Variants in FUT7 observed in about 807,000 individuals in gnomAD.
FUT7 encodes the protein fucosyltransferase 7.
FUT7 carries 2 observed loss-of-function variants against 5.0 expected under a neutral mutation model. The ratio of observed to expected loss-of-function variants is 0.40; its 90% CI spans 0.16 to 1.26. The LOEUF (loss-of-function observed/expected upper bound fraction) is 1.26, where lower values mean the gene tolerates loss of function less well. FUT7 is among the 50% of genes most tolerant of loss of function. The pLI, the probability that FUT7 is intolerant of heterozygous loss-of-function variation, is 0.32. For synonymous variants in FUT7, 218 were observed against 210.6 expected, an observed-to-expected ratio of 1.03 and a Z score of -0.30; for missense variants, 461 against 489.8, an observed-to-expected ratio of 0.94 and a Z score of 0.55.
chr9:137,030,610 C>T lies in FUT7; in HGVS notation c.*100G>A. 7.0e-7 allele frequency: 1 copy of T among 1,428,392 alleles called. No homozygotes were observed. The highest frequency in any genetic ancestry group is 9.7e-7 in the Non-Finnish European group (1 of 1,034,188). The allele number at this position is 1,428,392 out of a possible 1,614,324, so 88.5% of individuals were successfully genotyped here. A position where few individuals can be genotyped will look rare whatever the true frequency, so the allele number is the denominator to read the frequency against. On this transcript the variant is annotated 3_prime_UTR_variant, in exon 2 of 2. Transcript: ENST00000314412. ...GCTTCCTGACCTCTGTGCCCAGCCTCCCGTTAGCCCGCTGCTTGCCGGTAA... is the reference window on the plus strand; with the variant it reads ...GCTTCCTGACCTCTGTGCCCAGCCTTCCGTTAGCCCGCTGCTTGCCGGTAA...
Position 137,030,198 on chromosome 9 carries a change from C to T in FUT7, c.*512G>A. ...GCACTGCTCAGATGTTTATTGTCCA[C>T]CGCCCTCCCTCCCTGAGCCCAGAAC... On this transcript the variant is annotated 3_prime_UTR_variant, in exon 2 of 2. Transcript: ENST00000314412. 1 of 197,476 alleles carries T rather than the reference C, an allele frequency of 5.1e-6. No individual in the cohort carries two copies. The highest frequency in any genetic ancestry group is 5.3e-5 in the Admixed American group (1 of 18,932). 12.2% of individuals were successfully genotyped at this position (197,476 alleles called of 1,614,324 possible). A position where few individuals can be genotyped will look rare whatever the true frequency, so the allele number is the denominator to read the frequency against.
At position 137,031,682 on chromosome 9, in the gene FUT7, G is replaced by A. The variant is rs757216024; in HGVS notation, c.57C>T (p.Ala19=). ...AGAGGGCAGCGAGCAGAGCCACCCCGGCCAGGACCCCCAAGCCTCGCAGCC... is the reference window on the plus strand; with the variant it reads ...AGAGGGCAGCGAGCAGAGCCACCCCAGCCAGGACCCCCAAGCCTCGCAGCC... ...TRRLRGLGVL[A]GVALLAALWL... Residue 19 remains alanine, a synonymous_variant, in exon 2 of 2, where the codon GCC becomes GCT. Transcript: ENST00000314412. 8.6e-5 allele frequency: 133 copies of A among 1,550,314 alleles called. No homozygotes were observed. The highest frequency in any genetic ancestry group is 1.1e-4 in the Non-Finnish European group (127 of 1,148,442).
Position 137,030,387 on chromosome 9 carries a change from G to C in FUT7, c.*323C>G, listed in dbSNP as rs1265577079. On this transcript the variant is annotated 3_prime_UTR_variant, in exon 2 of 2. Coordinates refer to ENST00000314412, the MANE Select transcript of FUT7 (RefSeq NM_004479.4). Reference sequence around the variant, plus strand: ...CAGGTTTGGCCCCCACAAACTTCAGGCTGGGGTGCCCCCCAGCCCCAAGGG... The same window carrying C: ...CAGGTTTGGCCCCCACAAACTTCAGCCTGGGGTGCCCCCCAGCCCCAAGGG... 2.7e-6 allele frequency: 1 copy of C among 376,094 alleles called. No individual in the cohort carries two copies. The highest frequency in any genetic ancestry group is 5.0e-6 in the Non-Finnish European group (1 of 198,804). The allele number at this position is 376,094 out of a possible 1,614,324, so 23.3% of individuals were successfully genotyped here. A position where few individuals can be genotyped will look rare whatever the true frequency, so the allele number is the denominator to read the frequency against.
Position 137,031,321 on chromosome 9 carries a change from C to G in FUT7, c.418G>C (p.Val140Leu), listed in dbSNP as rs758942838. The G allele has an allele frequency of 1.2e-6, 2 of 1,606,244 alleles. No homozygotes were observed. Among genetic ancestry groups the G allele is most frequent in the Admixed American group, 3.4e-5 (2 of 59,280 alleles). Residue 140 changes from valine to leucine, a missense_variant, in exon 2 of 2, where the codon GTG (valine) becomes CTG (leucine). Coordinates refer to ENST00000314412, the MANE Select transcript of FUT7 (RefSeq NM_004479.4). ...LSHLRGIFNW[V>L]LSYRRDSDIF... The stretch of plus-strand genomic sequence containing the variant: ...TCCGAGTCGCGCCGGTAGCTCAGCA[C>G]CCAGTTGAAGATGCCTCGGAGGTGG...
chr9:137,030,595 C>T lies in FUT7; in HGVS notation c.*115G>A. On this transcript the variant is annotated 3_prime_UTR_variant, in exon 2 of 2. Transcript: ENST00000314412. ...GCACCCCCCACCCCTGCTTCCTGAC[C>T]TCTGTGCCCAGCCTCCCGTTAGCCC... The T allele has an allele frequency of 7.8e-7, 1 of 1,289,666 alleles. No individual in the cohort carries two copies. Among genetic ancestry groups the T allele is most frequent in the Non-Finnish European group, 1.1e-6 (1 of 915,176 alleles). The allele number at this position is 1,289,666 out of a possible 1,614,324, so 79.9% of individuals were successfully genotyped here. A position where few individuals can be genotyped will look rare whatever the true frequency, so the allele number is the denominator to read the frequency against.
At position 137,031,556 on chromosome 9, in the gene FUT7, TG is replaced by T; in HGVS notation, c.182del (p.Pro61GlnfsTer18). 1 of 1,566,336 alleles carries T rather than the reference TG, an allele frequency of 6.4e-7. No individual in the cohort carries two copies. Among genetic ancestry groups the T allele is most frequent in the Admixed American group, 1.9e-5 (1 of 52,464 alleles). On this transcript the variant is annotated frameshift_variant, in exon 2 of 2. Coordinates refer to ENST00000314412, the MANE Select transcript of FUT7 (RefSeq NM_004479.4). LOFTEE classifies it low-confidence loss of function (END_TRUNC). ...GGGTGCAGGTGTCGCTGGGCAGCTC[TG>T]GGGGCTGGTCAGTGAAGGGCCAGTG... is the stretch of plus-strand genomic sequence containing the variant. ...VWHWPFTDQP[P>X]ELPSDTCTRY...
Position 137,031,587 on chromosome 9 carries a change from A to T in FUT7, c.152T>A (p.Val51Asp), listed in dbSNP as rs1261071888. The T allele has an allele frequency of 1.9e-6, 3 of 1,569,130 alleles. No homozygotes were observed. Among genetic ancestry groups the T allele is most frequent in the Admixed American group, 1.9e-5 (1 of 52,818 alleles). Residue 51 changes from valine to aspartate, a missense_variant, in exon 2 of 2, where the codon GTC becomes GAC. Transcript: ENST00000314412. ...PAPQPTITIL[V>D]WHWPFTDQPP... ...CTGGTCAGTGAAGGGCCAGTGCCAGACAAGGATGGTGATCGTGGGCTGGGG... is the reference window on the plus strand; with the variant it reads ...CTGGTCAGTGAAGGGCCAGTGCCAGTCAAGGATGGTGATCGTGGGCTGGGG...
In FUT7 at chr9:137,031,426, G is replaced by A. The variant is rs747983098; in HGVS notation, c.313C>T (p.Leu105=). 2 of 1,557,874 alleles carry A rather than the reference G, an allele frequency of 1.3e-6. No individual in the cohort carries two copies. Among genetic ancestry groups the A allele is most frequent in the South Asian group, 1.2e-5 (1 of 85,328 alleles). The part of the protein sequence containing the change: ...HRELQTRRSH[L]PLAQRPRGQP... ...CCTCGCGGCCGCTGGGCCAGGGGCA[G>A]GTGGGACCGCCGGGTCTGCAGCTCG... The change falls in exon 2 of 2, where the codon CTG becomes TTG. Residue 105 remains leucine (L), a synonymous_variant. Transcript: ENST00000314412.
In FUT7 at chr9:137,031,145, C is replaced by T. The variant is rs563276816; in HGVS notation, c.594G>A (p.Arg198=). Residue 198 remains arginine (R), a synonymous_variant, in exon 2 of 2, where the codon CGG becomes CGA. Coordinates refer to ENST00000314412, the MANE Select transcript of FUT7 (RefSeq NM_004479.4). Reference sequence around the variant, plus strand: ...CATTGGCACGGCCAAAGACATCCACCCGCAGATGAGGCGCCAGCTGCCGGT... The same window carrying T: ...CATTGGCACGGCCAAAGACATCCACTCGCAGATGAGGCGCCAGCTGCCGGT... ...RLYRQLAPHL[R]VDVFGRANGR... 6.3e-5 allele frequency: 101 copies of T among 1,612,320 alleles called. No homozygotes were observed. In the African/African-American group the frequency reaches 1.2e-3, roughly 19 times the overall value.
chr9:137,031,897 C>A (rs1289448280), intron 1 of FUT7, 82 bp downstream of exon 1: 14 of 1,536,188 alleles, frequency 9.1e-6, no homozygotes, highest in Admixed American at 6.7e-5. Context: ...CCGACATGCC[C>A]CACTCAGCGC....
chr9:137,032,012 T>C lies in FUT7; in HGVS notation c.-21A>G. 6.2e-7 allele frequency: 1 copy of C among 1,612,668 alleles called. No homozygotes were observed. Among genetic ancestry groups the C allele is most frequent in the Non-Finnish European group, 8.5e-7 (1 of 1,179,846 alleles). ...TTCATCCACAGTCTCCCAGGATCAG[T>C]CAGCCAAGAGACCCGAGATTCTCAA... On this transcript the variant is annotated 5_prime_UTR_variant, in exon 1 of 2. Coordinates refer to ENST00000314412, the MANE Select transcript of FUT7 (RefSeq NM_004479.4).
chr9:137,031,945 C>T lies in FUT7; in HGVS notation c.13+34G>A, dbSNP rs759036086. Reference sequence around the variant, plus strand: ...CCCCTCCCAGGTTGCCTAGCTGTCCCCAGCTTGGGCCTCCCCGAGGGCCAG... The same window carrying T: ...CCCCTCCCAGGTTGCCTAGCTGTCCTCAGCTTGGGCCTCCCCGAGGGCCAG... On this transcript the variant is annotated intron_variant, in intron 1 of 1. Coordinates refer to ENST00000314412, the MANE Select transcript of FUT7 (RefSeq NM_004479.4). The T allele has an allele frequency of 2.7e-5, 43 of 1,610,614 alleles. No individual in the cohort carries two copies. In the Admixed American group the frequency reaches 4.8e-4, roughly 18 times the overall value.
rs147317850 is a variant in FUT7 at position 137,031,072 on chromosome 9, G to A, written c.667C>T (p.Arg223Cys). 140 of 1,612,710 alleles carry A rather than the reference G, an allele frequency of 8.7e-5. No homozygotes were observed. Among genetic ancestry groups the A allele is most frequent in the Non-Finnish European group, 1.1e-4 (135 of 1,179,976 alleles). The change falls in exon 2 of 2, where the codon CGC becomes TGC. Residue 223 changes from arginine to cysteine, a missense_variant. Arg to Cys is a radical substitution (Grantham distance 180, BLOSUM62 -3). Transcript: ENST00000314412. ...SCLVPTVAQY[R>C]FYLSFENSQH... ...GAGTTCTCAAAGGACAGGTAGAAGC[G>A]GTACTGGGCCACGGTGGGCACCAGG...
In FUT7 at chr9:137,030,861, C is replaced by T; in HGVS notation, c.878G>A (p.Ser293Asn). Residue 293 changes from serine (S) to asparagine (N), a missense_variant, in exon 2 of 2, where the codon AGC (serine) becomes AAC (asparagine). Transcript: ENST00000314412. ...CCAGGCAAAGAAGCGTTGGTATCGG[C>T]TCTCATTCATGCCAGTGAGGAAAGC... ...LAAFLTGMNESRYQRFFAWRD... is the reference protein window; with the variant it reads ...LAAFLTGMNENRYQRFFAWRD... 6.2e-7 allele frequency: 1 copy of T among 1,612,830 alleles called. No homozygotes were observed. Among genetic ancestry groups the T allele is most frequent in the Non-Finnish European group, 8.5e-7 (1 of 1,180,002 alleles).
Position 137,032,024 on chromosome 9 carries a change from C to T in FUT7, c.-33G>A. ...CTCCCAGGATCAGTCAGCCAAGAGA[C>T]CCGAGATTCTCAAATCACGGCAGCC... is the stretch of plus-strand genomic sequence containing the variant. On this transcript the variant is annotated 5_prime_UTR_variant, in exon 1 of 2. Transcript: ENST00000314412. 6.2e-7 allele frequency: 1 copy of T among 1,612,374 alleles called. No individual in the cohort carries two copies. The highest frequency in any genetic ancestry group is 1.1e-5 in the South Asian group (1 of 91,074).
chr9:137,031,345 G>A lies in FUT7; in HGVS notation c.394C>T (p.His132Tyr). The A allele has an allele frequency of 6.2e-7, 1 of 1,602,716 alleles. No homozygotes were observed. Among genetic ancestry groups the A allele is most frequent in the Non-Finnish European group, 8.5e-7 (1 of 1,176,172 alleles). The part of the protein sequence containing the change: ...ESPSHTHGLS[H>Y]LRGIFNWVLS... Reference sequence around the variant, plus strand: ...ACCCAGTTGAAGATGCCTCGGAGGTGGCTGAGGCCGTGGGTGTGGCTAGGA... The same window carrying A: ...ACCCAGTTGAAGATGCCTCGGAGGTAGCTGAGGCCGTGGGTGTGGCTAGGA... Residue 132 changes from histidine to tyrosine, a missense_variant, in exon 2 of 2, where the codon CAC (histidine) becomes TAC (tyrosine). Transcript: ENST00000314412.
In FUT7 at chr9:137,031,288, CA is replaced by C; in HGVS notation, c.450del (p.Phe150LeufsTer141). The stretch of plus-strand genomic sequence containing the variant: ...TGGGGCTCCAGGCGGCCATAGGGCA[CA>C]AAGATGTCCGAGTCGCGCCGGTAGC... ...VLSYRRDSDI[F>X]VPYGRLEPHW... On this transcript the variant is annotated frameshift_variant, in exon 2 of 2. Transcript: ENST00000314412. LOFTEE classifies it low-confidence loss of function (END_TRUNC). The C allele has an allele frequency of 6.2e-7, 1 of 1,607,742 alleles. No homozygotes were observed. Among genetic ancestry groups the C allele is most frequent in the Non-Finnish European group, 8.5e-7 (1 of 1,178,448 alleles).
chr9:137,031,229 G>A lies in FUT7; in HGVS notation c.510C>T (p.Ser170=), dbSNP rs1256600933. The A allele has an allele frequency of 1.9e-6, 3 of 1,609,794 alleles. No individual in the cohort carries two copies. The highest frequency in any genetic ancestry group is 1.3e-5 in the African/African-American group (1 of 75,034). ...WGPSPPLPAK[S]RVAAWVVSNF... Reference sequence around the variant, plus strand: ...TGCTGACCACCCAGGCGGCCACCCTGCTCTTGGCTGGCAGCGGTGGCGAGG... The same window carrying A: ...TGCTGACCACCCAGGCGGCCACCCTACTCTTGGCTGGCAGCGGTGGCGAGG... The change falls in exon 2 of 2, where the codon AGC becomes AGT. Residue 170 remains serine, a synonymous_variant. Coordinates refer to ENST00000314412, the MANE Select transcript of FUT7 (RefSeq NM_004479.4).
chr9:137,030,385 A>T lies in FUT7; in HGVS notation c.*325T>A. 2.7e-6 allele frequency: 1 copy of T among 368,150 alleles called. No homozygotes were observed. The allele number at this position is 368,150 out of a possible 1,614,324, so 22.8% of individuals were successfully genotyped here. A position where few individuals can be genotyped will look rare whatever the true frequency, so the allele number is the denominator to read the frequency against. The stretch of plus-strand genomic sequence containing the variant: ...CCCAGGTTTGGCCCCCACAAACTTC[A>T]GGCTGGGGTGCCCCCCAGCCCCAAG... On this transcript the variant is annotated 3_prime_UTR_variant, in exon 2 of 2. Transcript: ENST00000314412.
Sources: allele counts gnomAD v4.1 joint callset, GRCh38; gene constraint gnomAD v4.1.1; transcripts MANE v1.5; gene names NCBI Gene and HGNC (gene_info 2026-07-23, HGNC 2026-07-21).